The following ERICH2 variants were observed in gnomAD, a reference collection of about 807,000 sequenced individuals.
ERICH2 encodes the protein glutamate-rich protein 2.
ERICH2 carries 17 observed loss-of-function variants against 17.4 expected under a neutral mutation model. The observed-to-expected ratio is 0.98, with a 90% CI of 0.67 to 1.47. ERICH2 has a LOEUF of 1.47. Ranked by LOEUF, ERICH2 falls within the 40% of genes most tolerant of loss-of-function variation. ERICH2 has a pLI of 0.00. For synonymous variants in ERICH2, 51 were observed against 61.1 expected (o/e 0.83, Z 0.77); for missense variants, 186 against 183.2 (o/e 1.01, Z -0.09).
the ERICH2 span, among the ~76,000 whole-genome samples, chr2:170,778,303 C>A: frequency 6.6e-6 from 1 of 152,038 alleles, no homozygotes; most frequent in Non-Finnish European, 1.5e-5. Flanking sequence ...TCTATTTATT[C>A]TATGAAAAAT....
the ERICH2 span, among the ~76,000 whole-genome samples, chr2:170,776,399 A>C: frequency 6.6e-6 from 1 of 152,184 alleles, no homozygotes; most frequent in Non-Finnish European, 1.5e-5. Context: ...GTTTTTTGAG[A>C]CAGAGTCTCG....
chr2:170,790,803 CAAA>C (rs57351246), intron 2 of ERICH2, among the ~76,000 whole-genome samples: 2 of 67,860 alleles, frequency 2.9e-5, no homozygotes. Flanking sequence ...GACTCCTTCT[CAAA>C]AAAAAAAAAA....
At chr2:170,785,296 T>A (rs548759810) in intron 2 of ERICH2, among the ~76,000 whole-genome samples, 1 of 152,252 alleles carries the variant, frequency 6.6e-6, no homozygotes, top group East Asian at 1.9e-4. Context: ...AAAAGATCCT[T>A]GTCCACACAC....
At chr2:170,774,121 C>A in the ERICH2 span, among the ~76,000 whole-genome samples, 37,800 of 152,112 alleles carry the variant, frequency 0.25, 5,155 homozygotes, top group South Asian at 0.36. Context: ...AAAAGAAACA[C>A]CTTTATCTGT....
chr2:170,783,298 C>T (rs1701073450), upstream of ERICH2: 1 of 153,542 alleles, frequency 6.5e-6, no homozygotes. Context: ...AACACAAACA[C>T]TGTAAACTTA....
upstream of ERICH2, chr2:170,782,493 C>T (rs1037546187): frequency 7.7e-6 from 3 of 387,250 alleles, no homozygotes; most frequent in African/African-American, 6.6e-5. Flanking sequence ...TGGGGCGGGT[C>T]ATGAGAATCA....
chr2:170,796,552 C>T (rs893053671), intron 3 of ERICH2, among the ~76,000 whole-genome samples: 3 of 151,590 alleles, frequency 2.0e-5, no homozygotes, highest in African/African-American at 7.3e-5. Context: ...CCTCCTGCCT[C>T]GGCCTCCGAA....
At chr2:170,794,566 A>G (rs1196297073) in intron 3 of ERICH2, among the ~76,000 whole-genome samples, 1 of 152,216 alleles carries the variant, frequency 6.6e-6, no homozygotes, top group Non-Finnish European at 1.5e-5. Flanking sequence ...ATGATCTGGA[A>G]AGATTCTGGT....
chr2:170,792,957 C>T (rs2105716007), intron 3 of ERICH2, 37 bp downstream of exon 8: 1 of 1,280,596 alleles, frequency 7.8e-7, no homozygotes, highest in South Asian at 1.5e-5. Flanking sequence ...CTAATCTTCT[C>T]TTTGTTTTCA....
In ERICH2 at chr2:170,792,933, T is replaced by C; in HGVS notation, c.274+13T>C. On this transcript the variant is annotated intron_variant, in intron 3 of 4. Coordinates refer to ENST00000409885, the Ensembl canonical transcript of ERICH2. ...TTATGTCAGATGAGTAAGTACAAAA[T>C]ACTTTCATATTTTCTAATCTTCTCT... The C allele has an allele frequency of 6.9e-7, 1 of 1,444,168 alleles. No individual in the cohort carries two copies. Among genetic ancestry groups the C allele is most frequent in the African/African-American group, 1.4e-5 (1 of 71,114 alleles). The allele number at this position is 1,444,168 out of a possible 1,614,324, so 89.5% of individuals were successfully genotyped here.
At chr2:170,789,486 AT>A (rs953453425) in intron 2 of ERICH2, among the ~76,000 whole-genome samples, 10 of 152,024 alleles carry the variant, frequency 6.6e-5, no homozygotes, top group Admixed American at 1.3e-4. Context: ...TTCTAGCTGG[AT>A]TTTTTTCCAG....
Position 170,792,860 on chromosome 2 carries a change from C to A in ERICH2, c.217-3C>A. ...CTTATCTGAAGAATTTAATGTTTTCCAGTTTCTGAGAGCAGAAATGGCCCG... is the reference window on the plus strand; with the variant it reads ...CTTATCTGAAGAATTTAATGTTTTCAAGTTTCTGAGAGCAGAAATGGCCCG... On this transcript the variant is annotated splice_polypyrimidine_tract_variant and splice_region_variant and intron_variant, in intron 2 of 4. Coordinates refer to ENST00000409885, the Ensembl canonical transcript of ERICH2. 6.7e-7 allele frequency: 1 copy of A among 1,498,908 alleles called. No homozygotes were observed. Among genetic ancestry groups the A allele is most frequent in the Non-Finnish European group, 9.0e-7 (1 of 1,116,172 alleles). The allele number at this position is 1,498,908 out of a possible 1,614,324, so 92.9% of individuals were successfully genotyped here. A position where few individuals can be genotyped will look rare whatever the true frequency, so the allele number is the denominator to read the frequency against.
intron 3 of ERICH2, among the ~76,000 whole-genome samples, chr2:170,796,428 G>GTTT (rs869301301): frequency 0.091 from 10,406 of 114,414 alleles, 557 homozygotes; most frequent in Non-Finnish European, 0.13. Context: ...CTCTCTCTTT[G>GTTT]TTTTTTTTTT....
upstream of ERICH2, chr2:170,782,118 T>C (rs1224005620): frequency 7.1e-6 from 1 of 140,684 alleles, no homozygotes; most frequent in Non-Finnish European, 1.4e-5. Flanking sequence ...ATACTACATT[T>C]TAGCTATTTA....
chr2:170,798,485 C>A (rs2105731188), intron 4 of ERICH2, among the ~76,000 whole-genome samples: 1 of 152,192 alleles, frequency 6.6e-6, no homozygotes, highest in South Asian at 2.1e-4. Flanking sequence ...CAATAAAATT[C>A]TATGATAGAA....
intron 3 of ERICH2, among the ~76,000 whole-genome samples, chr2:170,793,730 A>G (rs571246281): frequency 1.3e-5 from 2 of 152,328 alleles, no homozygotes; most frequent in South Asian, 2.1e-4. Flanking sequence ...TGGGAAAACC[A>G]CTGGAGGCTT....
At chr2:170,776,836 C>T in the ERICH2 span, among the ~76,000 whole-genome samples, 8 of 151,316 alleles carry the variant, frequency 5.3e-5, no homozygotes, top group African/African-American at 1.9e-4. Flanking sequence ...GTAAACGTGT[C>T]ATGAGGGTTT....
In ERICH2 at chr2:170,791,462, CG is replaced by C. The variant is rs201038852; in HGVS notation, c.217-1398del. Among the ~76,000 whole-genome samples, 22 of 150,466 alleles carry C rather than the reference CG, an allele frequency of 1.5e-4. No homozygotes were observed. The Middle Eastern group carries it at 0.01, about 71-fold the overall frequency. Reference sequence around the variant, plus strand: ...TATTAATTAGTATGTGAGGCCGAGGCGGGCGGATCACGAGGTCAGGAGATCG... The same window carrying C: ...TATTAATTAGTATGTGAGGCCGAGGCGGCGGATCACGAGGTCAGGAGATCG... On this transcript the variant is annotated intron_variant, in intron 2 of 4. Transcript: ENST00000409885.
At chr2:170,777,342 A>C in the ERICH2 span, 3 of 884,448 alleles carry the variant, frequency 3.4e-6, no homozygotes, top group Non-Finnish European at 4.2e-6. Context: ...AAACTAAAAT[A>C]ATAATGCTAG....
Sources: allele counts gnomAD v4.1 joint callset (sites outside exome capture counted in the v4.1 genomes callset), GRCh38; gene constraint gnomAD v4.1.1; transcripts MANE v1.5; gene names NCBI Gene and HGNC (gene_info 2026-07-23, HGNC 2026-07-21).